Variants in R3HDM4 observed in about 807,000 individuals in gnomAD.
R3HDM4 encodes R3H domain containing 4, also known as R3H domain-containing protein 4.
In R3HDM4, 30 loss-of-function variants were observed where a neutral mutation model predicts 31.3. That is an observed-to-expected ratio of 0.96 (90% CI 0.72 to 1.30). R3HDM4 has a LOEUF of 1.30. Ranked by LOEUF, R3HDM4 falls within the 50% of genes most tolerant of loss-of-function variation. R3HDM4 has a pLI of 0.00. For synonymous variants in R3HDM4, 196 were observed against 156.6 expected, an observed-to-expected ratio of 1.25 and a Z score of -1.88; for missense variants, 444 against 366.1, an observed-to-expected ratio of 1.21 and a Z score of -1.74.
chr19:902,433 G>C, intron 1 of R3HDM4: 1 of 234,684 alleles, frequency 4.3e-6, no homozygotes, highest in Admixed American at 5.4e-5. Context: ...AACATAGCAA[G>C]ACTATGAAAA....
At chr19:900,583 G>A (rs2036816259) in intron 4 of R3HDM4, among the ~76,000 whole-genome samples, 2 of 118,286 alleles carry the variant, frequency 1.7e-5, no homozygotes, top group Admixed American at 8.5e-5. Flanking sequence ...CACACACTAG[G>A]TCCAACCCAC....
intron 1 of R3HDM4, among the ~76,000 whole-genome samples, chr19:903,295 C>CGGCCCCCCTCCA (rs1490034064): frequency 6.6e-6 from 1 of 151,658 alleles, no homozygotes; most frequent in Non-Finnish European, 1.5e-5. Flanking sequence ...GCGGCTGCAG[C>CGGCCCCCCTCCA]GGCCCCCCTC....
chr19:901,280 C>T, intron 3 of R3HDM4, 142 bp downstream of exon 3: 1 of 970,120 alleles, frequency 1.0e-6, no homozygotes, highest in Admixed American at 2.6e-5. Flanking sequence ...TCTGGGGACC[C>T]CGAAGGAGAC....
chr19:908,962 A>G (rs2036939289), intron 1 of R3HDM4, among the ~76,000 whole-genome samples: 2 of 152,226 alleles, frequency 1.3e-5, no homozygotes, highest in Non-Finnish European at 2.9e-5. Flanking sequence ...TGTTTGTTGA[A>G]TGAAGAACTA....
In R3HDM4 at chr19:899,633, G is replaced by A; in HGVS notation, c.615C>T (p.Pro205=). 6.2e-7 allele frequency: 1 copy of A among 1,609,076 alleles called. No homozygotes were observed. The highest frequency in any genetic ancestry group is 8.5e-7 in the Non-Finnish European group (1 of 1,177,766). The change falls in exon 6 of 8, where the codon CCC becomes CCT. Residue 205 remains proline (P), a synonymous_variant. Transcript: ENST00000361574. The surrounding 1 kb of genome is among the most constrained non-coding windows in gnomAD (Gnocchi z 6.8). ...ERLLRFFSVS[P]QAVYTAMLDN... Reference sequence around the variant, plus strand: ...CTAGCATTGCTGTGTACACGGCCTGGGGGGACACGGAGAAGAACCGAAGCA... The same window carrying A: ...CTAGCATTGCTGTGTACACGGCCTGAGGGGACACGGAGAAGAACCGAAGCA...
In R3HDM4 at chr19:899,501, G is replaced by C. The variant is rs745424003; in HGVS notation, c.648-6C>G. 6.2e-6 allele frequency: 10 copies of C among 1,613,680 alleles called. No homozygotes were observed. The highest frequency in any genetic ancestry group is 3.3e-4 in the Middle Eastern group (2 of 6,060). ...GCAGCAGAAGCCTCTCGAAGCTGTGGGGAACGGGCAGTGAGCGCCGTGCAG... is the reference window on the plus strand; with the variant it reads ...GCAGCAGAAGCCTCTCGAAGCTGTGCGGAACGGGCAGTGAGCGCCGTGCAG... On this transcript the variant is annotated splice_region_variant and splice_polypyrimidine_tract_variant and intron_variant, in intron 6 of 7. Transcript: ENST00000361574. This position sits in a 1 kb window ranked among gnomAD's most constrained non-coding sequence, Gnocchi z 6.8.
chr19:904,184 C>T (rs896317997), intron 1 of R3HDM4, among the ~76,000 whole-genome samples: 4 of 152,166 alleles, frequency 2.6e-5, no homozygotes, highest in African/African-American at 9.7e-5. Flanking sequence ...AACTCCACCC[C>T]ACCTGAAACA....
intron 7 of R3HDM4, 146 bp from the exon 8 acceptor site, chr19:897,686 T>C: frequency 1.6e-6 from 1 of 641,254 alleles, no homozygotes; most frequent in Non-Finnish European, 2.7e-6. Context: ...TGGCTGGCCC[T>C]AAGCCCGCAG....
intron 7 of R3HDM4, among the ~76,000 whole-genome samples, chr19:897,788 T>G (rs539316071): frequency 6.6e-6 from 1 of 152,214 alleles, no homozygotes; most frequent in Non-Finnish European, 1.5e-5. Context: ...CTCATTCCAC[T>G]GTGCGGATGG....
rs543201054 is a variant in R3HDM4 at position 910,225 on chromosome 19, T to C, written c.71+2862A>G. 1.4e-4 allele frequency among the ~76,000 whole-genome samples: 21 copies of C among 151,832 alleles called. No homozygotes were observed. The East Asian group carries it at 4.1e-3, about 29-fold the overall frequency. On this transcript the variant is annotated intron_variant, in intron 1 of 7. Coordinates refer to ENST00000361574, the MANE Select transcript of R3HDM4 (RefSeq NM_138774.4). ...CTGTAATCCCAGCTACTCAGGAGGCTGAGGGAGGAGAATCGCTTGAACCTG... is the reference window on the plus strand; with the variant it reads ...CTGTAATCCCAGCTACTCAGGAGGCCGAGGGAGGAGAATCGCTTGAACCTG...
intron 1 of R3HDM4, among the ~76,000 whole-genome samples, chr19:912,739 G>C (rs1267234919): frequency 1.5e-5 from 2 of 137,578 alleles, no homozygotes; most frequent in African/African-American, 5.4e-5. Flanking sequence ...GCGGACCGGG[G>C]AGTGGGGCGC....
chr19:904,982 G>T (rs145372794), intron 1 of R3HDM4, among the ~76,000 whole-genome samples: 2 of 152,140 alleles, frequency 1.3e-5, no homozygotes, highest in Non-Finnish European at 2.9e-5. Flanking sequence ...CAAGGTAGGT[G>T]GATCACTTGA....
chr19:913,061 GCCGCGCCCCGCCCGC>G lies in R3HDM4; in HGVS notation c.71+11_71+25del. On this transcript the variant is annotated intron_variant, in intron 1 of 7. Coordinates refer to ENST00000361574, the MANE Select transcript of R3HDM4 (RefSeq NM_138774.4). The surrounding 1 kb of genome is among the most constrained non-coding windows in gnomAD (Gnocchi z 5.0). Reference sequence around the variant, plus strand: ...GGAGCCCAGCCCGCCCCCGGCGCCCGCCGCGCCCCGCCCGCCCGCGCTCACAGCAGCCGCCGCCCG... The same window carrying G: ...GGAGCCCAGCCCGCCCCCGGCGCCCGCCGCGCTCACAGCAGCCGCCGCCCG... 1 of 860,112 alleles carries G rather than the reference GCCGCGCCCCGCCCGC, an allele frequency of 1.2e-6. No individual in the cohort carries two copies. Among genetic ancestry groups the G allele is most frequent in the African/African-American group, 1.8e-5 (1 of 55,710 alleles). 53.3% of individuals were successfully genotyped at this position (860,112 alleles called of 1,614,324 possible).
chr19:908,604 T>C (rs1201456874), intron 1 of R3HDM4, among the ~76,000 whole-genome samples: 1 of 151,354 alleles, frequency 6.6e-6, no homozygotes, highest in Non-Finnish European at 1.5e-5. Flanking sequence ...AATGAGACTG[T>C]CTCAAAAAAA....
Position 913,016 on chromosome 19 carries a change from G to T in R3HDM4, c.71+71C>A. 1 of 543,594 alleles carries T rather than the reference G, an allele frequency of 1.8e-6. No homozygotes were observed. Among genetic ancestry groups the T allele is most frequent in the Non-Finnish European group, 2.4e-6 (1 of 419,686 alleles). 33.7% of individuals were successfully genotyped at this position (543,594 alleles called of 1,614,324 possible). A position where few individuals can be genotyped will look rare whatever the true frequency, so the allele number is the denominator to read the frequency against. On this transcript the variant is annotated intron_variant, in intron 1 of 7. Coordinates refer to ENST00000361574, the MANE Select transcript of R3HDM4 (RefSeq NM_138774.4). The surrounding 1 kb of genome is among the most constrained non-coding windows in gnomAD (Gnocchi z 5.0). ...AAGGGAAAGGAGGGGAGGGGAGGCG[G>T]GGAGAGGATCTCAGGGGAGGGAGCC...
In R3HDM4 at chr19:899,402, C is replaced by G. The variant is rs1285994595; in HGVS notation, c.703+38G>C. On this transcript the variant is annotated intron_variant, in intron 7 of 7. Coordinates refer to ENST00000361574, the MANE Select transcript of R3HDM4 (RefSeq NM_138774.4). This position sits in a 1 kb window ranked among gnomAD's most constrained non-coding sequence, Gnocchi z 6.8. ...ACCCTGGCCACTTTCCCAGGTTGAGCTGGCCAACTTGGGGTCTTGGGGGCC... is the reference window on the plus strand; with the variant it reads ...ACCCTGGCCACTTTCCCAGGTTGAGGTGGCCAACTTGGGGTCTTGGGGGCC... 1 of 1,609,644 alleles carries G rather than the reference C, an allele frequency of 6.2e-7. No homozygotes were observed. Among genetic ancestry groups the G allele is most frequent in the African/African-American group, 1.3e-5 (1 of 74,854 alleles).
chr19:904,969 G>C (rs1020926092), intron 1 of R3HDM4, among the ~76,000 whole-genome samples: 1 of 152,180 alleles, frequency 6.6e-6, no homozygotes, highest in Non-Finnish European at 1.5e-5. Flanking sequence ...CACTTTGGGA[G>C]GCCAAGGTAG....
chr19:905,013 CCT>C (rs1034387455), intron 1 of R3HDM4, among the ~76,000 whole-genome samples: 2 of 151,882 alleles, frequency 1.3e-5, no homozygotes, highest in Admixed American at 1.3e-4. Context: ...TCAAGACCAC[CCT>C]GGCCAACATG....
At chr19:911,138 A>C (rs1218385337) in intron 1 of R3HDM4, among the ~76,000 whole-genome samples, 2 of 149,238 alleles carry the variant, frequency 1.3e-5, no homozygotes, top group African/African-American at 5.0e-5. Context: ...TAAACAAATA[A>C]ATAAATAAAT....
Sources: allele counts gnomAD v4.1 joint callset (sites outside exome capture counted in the v4.1 genomes callset), GRCh38; gene constraint gnomAD v4.1.1; non-coding constraint Gnocchi (gnomAD v3.1); transcripts MANE v1.5; gene names NCBI Gene and HGNC (gene_info 2026-07-23, HGNC 2026-07-21).